PCDHA3: variants seen among roughly 807,000 people sequenced by gnomAD.
PCDHA3 encodes the protein protocadherin alpha 3.
Under a neutral mutation model 62.2 loss-of-function variants are expected in PCDHA3, and 41 were observed. The ratio of observed to expected loss-of-function variants is 0.66; its 90% CI spans 0.51 to 0.86. The LOEUF is 0.86. Among genes scored for constraint, PCDHA3 ranks in the 40% least tolerant of loss-of-function variants. The pLI, the probability that PCDHA3 is intolerant of heterozygous loss-of-function variation, is 0.00. For missense variants in PCDHA3, 1,304 were observed against 1,241.2 expected (o/e 1.05, Z -0.76); for synonymous variants, 640 against 555.4 (o/e 1.15, Z -2.14).
chr5:140,823,691 C>G, intron 1 of PCDHA3: 1 of 1,613,980 alleles, frequency 6.2e-7, no homozygotes, highest in Non-Finnish European at 8.5e-7. Context: ...CTGGATGAGA[C>G]CGAAGCACCG....
intron 1 of PCDHA3, chr5:140,856,310 C>A: frequency 1.3e-6 from 2 of 1,598,548 alleles, no homozygotes; most frequent in Non-Finnish European, 1.7e-6. Context: ...TGTGAATTCT[C>A]GGATTGACCG....
rs2150181122 is a variant in PCDHA3 at position 140,830,100 on chromosome 5, T to C, written c.2394+26509T>C. 6.2e-7 allele frequency: 1 copy of C among 1,613,448 alleles called. No homozygotes were observed. The highest frequency in any genetic ancestry group is 1.7e-5 in the Admixed American group (1 of 59,986). On this transcript the variant is annotated intron_variant, in intron 1 of 3. Coordinates refer to ENST00000522353, the MANE Select transcript of PCDHA3 (RefSeq NM_018906.3). ...ACGGCCACGGTTCTGGTGTCGCTGG[T>C]GGAGAGTGGCCAGGCTCCAAAGGCG...
chr5:140,847,761 T>G (rs1279113142), intron 1 of PCDHA3: 1 of 149,846 alleles, frequency 6.7e-6, no homozygotes, highest in Non-Finnish European at 1.5e-5. Context: ...CACAAGACCT[T>G]AAAGTCAATT....
chr5:140,838,562 T>C (rs893171521), intron 1 of PCDHA3, among the ~76,000 whole-genome samples: 4 of 152,018 alleles, frequency 2.6e-5, no homozygotes, highest in Non-Finnish European at 5.9e-5. Flanking sequence ...CATCCAGTAC[T>C]GTATTAGGGA....
intron 1 of PCDHA3, chr5:140,809,687 CATAT>C: frequency 2.3e-6 from 3 of 1,291,004 alleles, no homozygotes; most frequent in Non-Finnish European, 3.2e-6. Context: ...CCTCTTTTTA[CATAT>C]CCATTTTAAC....
At chr5:140,804,280 T>C (rs1255280939) in intron 1 of PCDHA3, 1 of 152,170 alleles carries the variant, frequency 6.6e-6, no homozygotes, top group Non-Finnish European at 1.5e-5. Flanking sequence ...GAATTGCATC[T>C]TTGTTCATCT....
rs367885958 is a variant in PCDHA3, at chr5:140,884,427, C to G, written c.2394+80836C>G. The G allele has an allele frequency of 2.5e-5, 40 of 1,613,840 alleles. No individual in the cohort carries two copies. The African/African-American group carries it at 5.1e-4, about 20-fold the overall frequency. ...GTGCTCACGTTGCTGCTGTATACTG[C>G]GCTGCGGTGCTCGGCACCGCCCACC... is the stretch of plus-strand genomic sequence containing the variant. On this transcript the variant is annotated intron_variant, in intron 1 of 3. Coordinates refer to ENST00000522353, the MANE Select transcript of PCDHA3 (RefSeq NM_018906.3).
rs559374067 is a variant in PCDHA3, at chr5:140,810,804, A to G, written c.2394+7213A>G. On this transcript the variant is annotated intron_variant, in intron 1 of 3. Coordinates refer to ENST00000522353, the MANE Select transcript of PCDHA3 (RefSeq NM_018906.3). ...TTTTCAACCTCATGGCTAGTTTTTAATTCTTTTTTGTCTTTTGGTGAATAG... is the reference window on the plus strand; with the variant it reads ...TTTTCAACCTCATGGCTAGTTTTTAGTTCTTTTTTGTCTTTTGGTGAATAG... 3.3e-5 allele frequency: 5 copies of G among 151,878 alleles called. No individual in the cohort carries two copies. The East Asian group carries it at 7.7e-4, about 23-fold the overall frequency. The allele number at this position is 151,878 out of a possible 1,614,324, so 9.4% of individuals were successfully genotyped here.
chr5:140,842,884 G>T, intron 1 of PCDHA3: 1 of 1,594,190 alleles, frequency 6.3e-7, no homozygotes, highest in South Asian at 1.1e-5. Context: ...ACGCGCTGCA[G>T]CCGCTGGACC....
intron 1 of PCDHA3, among the ~76,000 whole-genome samples, chr5:140,964,119 TAAC>T (rs146855097): frequency 0.014 from 2,059 of 152,320 alleles, 49 homozygotes; most frequent in African/African-American, 0.047. Context: ...AATCACATTC[TAAC>T]AACTAGTAAG....
At chr5:140,860,679 T>A (rs1465789150) in intron 1 of PCDHA3, 1 of 152,238 alleles carries the variant, frequency 6.6e-6, no homozygotes, top group Non-Finnish European at 1.5e-5. Flanking sequence ...AATGCACTTA[T>A]GTTTTGAGCG....
At position 140,801,985 on chromosome 5, in the gene PCDHA3, C is replaced by T. The variant is rs994082843; in HGVS notation, c.788C>T (p.Thr263Ile). Residue 263 changes from threonine (T) to isoleucine (I), a missense_variant, in exon 1 of 4, where the codon ACC (threonine) becomes ATC (isoleucine). Coordinates refer to ENST00000522353, the MANE Select transcript of PCDHA3 (RefSeq NM_018906.3). ...GCACCAAATGGTACCCTAGTGGTGA[C>T]CGTTAACGCCACCGATTTGGATGAA... The part of the protein sequence containing the change: ...ENAPNGTLVV[T>I]VNATDLDEGV... The T allele has an allele frequency of 1.2e-5, 20 of 1,614,050 alleles. No individual in the cohort carries two copies. The highest frequency in any genetic ancestry group is 6.7e-5 in the Admixed American group (4 of 60,002).
chr5:140,999,183 AG>A (rs1233229901), intron 3 of PCDHA3, among the ~76,000 whole-genome samples: 2 of 152,200 alleles, frequency 1.3e-5, no homozygotes, highest in East Asian at 1.9e-4. Flanking sequence ...TGATGGGGAG[AG>A]GGTCCTTGGA....
intron 1 of PCDHA3, among the ~76,000 whole-genome samples, chr5:140,938,751 C>A (rs943916265): frequency 6.6e-6 from 1 of 151,978 alleles, no homozygotes; most frequent in Non-Finnish European, 1.5e-5. Flanking sequence ...TTTTTAAAGG[C>A]ATAGTTATTG....
intron 1 of PCDHA3, chr5:140,803,971 A>G: frequency 3.2e-6 from 1 of 317,148 alleles, no homozygotes; most frequent in Non-Finnish European, 5.8e-6. Context: ...GCCACTTTTC[A>G]TTTGGACTTC....
intron 1 of PCDHA3, among the ~76,000 whole-genome samples, chr5:140,953,511 G>A (rs1243901831): frequency 1.3e-5 from 2 of 152,114 alleles, no homozygotes; most frequent in Non-Finnish European, 2.9e-5. Flanking sequence ...TTAGGCCAAA[G>A]CAACAAAAAC....
At chr5:140,981,284 G>A (rs1554242765) in intron 2 of PCDHA3, among the ~76,000 whole-genome samples, 4 of 152,094 alleles carry the variant, frequency 2.6e-5, no homozygotes, top group Non-Finnish European at 5.9e-5. Context: ...GTTTAAAAGG[G>A]TCCTCTAGTC....
intron 1 of PCDHA3, chr5:140,928,245 A>G: frequency 2.5e-6 from 4 of 1,614,192 alleles, no homozygotes; most frequent in Non-Finnish European, 8.5e-7. Context: ...CCCAGCAGGA[A>G]CTTTTCGTTG....
chr5:140,950,022 A>G (rs1355491628), intron 1 of PCDHA3, among the ~76,000 whole-genome samples: 1 of 151,918 alleles, frequency 6.6e-6, no homozygotes, highest in Non-Finnish European at 1.5e-5. Flanking sequence ...CCTTCATAAA[A>G]TATAGAAAAG....
Sources: allele counts gnomAD v4.1 joint callset (sites outside exome capture counted in the v4.1 genomes callset), GRCh38; gene constraint gnomAD v4.1.1; transcripts MANE v1.5; gene names NCBI Gene and HGNC (gene_info 2026-07-23, HGNC 2026-07-21).